The following SNAPC5 variants were observed in gnomAD, a reference collection of about 807,000 sequenced individuals.
SNAPC5 encodes the protein small nuclear RNA activating complex polypeptide 5, also known as snRNA-activating protein complex subunit 5.
Under a neutral mutation model 9.1 loss-of-function variants are expected in SNAPC5, and 12 were observed. The ratio of observed to expected loss-of-function variants is 1.32; its 90% CI spans 0.85 to 2.15. SNAPC5 has a LOEUF of 2.15. Among genes scored for constraint, SNAPC5 ranks in the 30% most tolerant of loss-of-function variants. The pLI is 0.00. For synonymous variants in SNAPC5, 52 were observed against 47.3 expected, an observed-to-expected ratio of 1.10 and a Z score of -0.41; for missense variants, 132 against 114.4, an observed-to-expected ratio of 1.15 and a Z score of -0.70.
intron 1 of SNAPC5, 127 bp from the exon 2 acceptor site, chr15:66,495,546 C>A: frequency 1.5e-6 from 1 of 646,020 alleles, no homozygotes; most frequent in South Asian, 1.8e-5. Context: ...CTGTGTTGCT[C>A]TAGAGGGAAA....
chr15:66,491,662 A>G (rs566998701), downstream of SNAPC5: 3 of 223,978 alleles, frequency 1.3e-5, no homozygotes, highest in Non-Finnish European at 2.7e-5. Context: ...AGGCAGAAAC[A>G]GGACACCGAG....
Position 66,493,485 on chromosome 15 carries a change from T to G in SNAPC5, c.*951A>C, listed in dbSNP as rs1228052036. 6.6e-6 allele frequency: 1 copy of G among 152,010 alleles called. No individual in the cohort carries two copies. The highest frequency in any genetic ancestry group is 2.4e-5 in the African/African-American group (1 of 41,366). 9.4% of individuals were successfully genotyped at this position (152,010 alleles called of 1,614,324 possible). ...GCCTGACCAACATGGAAAAATCCCA[T>G]CTTTACTAAAAATACAAAATTAGCC... On this transcript the variant is annotated 3_prime_UTR_variant, in exon 3 of 3. Coordinates refer to ENST00000316634, the MANE Select transcript of SNAPC5 (RefSeq NM_001329615.2).
chr15:66,490,797 T>C, downstream of SNAPC5: 2 of 685,292 alleles, frequency 2.9e-6, no homozygotes, highest in Non-Finnish European at 5.3e-6. Context: ...TTATTCTTAT[T>C]ACTATTATTG....
chr15:66,495,233 A>AG (rs772540538), intron 2 of SNAPC5, 97 bp downstream of exon 2: 2 of 826,782 alleles, frequency 2.4e-6, no homozygotes, highest in African/African-American at 3.3e-5. Context: ...CCTTTGGGCT[A>AG]GGTAATGTGA....
chr15:66,497,592 T>G (rs1197157530), intron 1 of SNAPC5, 50 bp downstream of exon 1: 1 of 1,537,564 alleles, frequency 6.5e-7, no homozygotes, highest in African/African-American at 1.4e-5. Flanking sequence ...TGGGGGGAAA[T>G]GGTCGCTCGG....
At chr15:66,489,810 GTTC>G (rs773224246), downstream of SNAPC5, 10 of 1,476,794 alleles carry the variant, frequency 6.8e-6, no homozygotes, top group South Asian at 2.3e-5. Context: ...TTATTCATTT[GTTC>G]TTCTCTGTCA....
chr15:66,491,640 G>A (rs1434408864), downstream of SNAPC5: 2 of 213,850 alleles, frequency 9.4e-6, no homozygotes, highest in South Asian at 7.6e-5. Flanking sequence ...TGAAGATGAG[G>A]AGGAGGCTGG....
rs531032132 is a variant in SNAPC5, at chr15:66,494,533, T to C, written c.200A>G (p.Asn67Ser). Reference protein sequence around the residue: ...QSHDMLVHVDNEASINQTTLE... With the variant: ...QSHDMLVHVDSEASINQTTLE... ...GGTTGTTTGGTTGATTGATGCTTCA[T>C]TGTCTACATGCACCAACATCTGTAT... The change falls in exon 3 of 3, where the codon AAT (asparagine) becomes AGT (serine). Residue 67 changes from asparagine (N) to serine (S), a missense_variant. Coordinates refer to ENST00000316634, the MANE Select transcript of SNAPC5 (RefSeq NM_001329615.2). 2 of 1,613,826 alleles carry C rather than the reference T, an allele frequency of 1.2e-6. No individual in the cohort carries two copies. The highest frequency in any genetic ancestry group is 2.2e-5 in the East Asian group (1 of 44,884).
intron 2 of SNAPC5, among the ~76,000 whole-genome samples, 186 bp from the exon 3 acceptor site, chr15:66,494,738 C>G (rs1401355175): frequency 6.6e-6 from 1 of 152,176 alleles, no homozygotes; most frequent in African/African-American, 2.4e-5. Context: ...CAGTAAATGC[C>G]CCAGATTCAG....
Position 66,497,701 on chromosome 15 carries a change from C to G in SNAPC5, c.31G>C (p.Glu11Gln), listed in dbSNP as rs1213938785. The part of the protein sequence containing the change: MLSRLQELRK[E>Q]EETLLRLKAA... Reference sequence around the variant, plus strand: ...TTCAACCGCAGCAGCGTCTCCTCCTCCTTGCGCAGTTCCTGAAGCCGGCTC... The same window carrying G: ...TTCAACCGCAGCAGCGTCTCCTCCTGCTTGCGCAGTTCCTGAAGCCGGCTC... The change falls in exon 1 of 3, where the codon GAG becomes CAG. Residue 11 changes from glutamate to glutamine, a missense_variant. Transcript: ENST00000316634. 5 of 1,613,734 alleles carry G rather than the reference C, an allele frequency of 3.1e-6. No individual in the cohort carries two copies. Among genetic ancestry groups the G allele is most frequent in the Non-Finnish European group, 4.2e-6 (5 of 1,179,990 alleles).
At chr15:66,495,082 C>T (rs779540262) in intron 2 of SNAPC5, 1 of 515,230 alleles carries the variant, frequency 1.9e-6, no homozygotes, top group Non-Finnish European at 3.5e-6. Context: ...AGTAACTAGA[C>T]AGAATGGATG....
downstream of SNAPC5, among the ~76,000 whole-genome samples, chr15:66,492,851 TG>T (rs1292155961): frequency 1.3e-5 from 2 of 152,206 alleles, no homozygotes. Flanking sequence ...CTAGAGCAGA[TG>T]TGAGTATCTT....
At chr15:66,490,345 C>A (rs1305330685), downstream of SNAPC5, 1 of 728,300 alleles carries the variant, frequency 1.4e-6, no homozygotes, top group East Asian at 2.6e-5. Flanking sequence ...GTCTTTGGGC[C>A]TGCAGCTGGC....
intron 2 of SNAPC5, chr15:66,495,042 A>G: frequency 2.3e-6 from 1 of 436,480 alleles, no homozygotes; most frequent in Non-Finnish European, 4.2e-6. Flanking sequence ...TCGTCCTACA[A>G]AAATCTCCAC....
rs1893364836 is a variant in SNAPC5, at chr15:66,494,547, C to T, written c.186G>A (p.Leu62=). Residue 62 remains leucine (L), a synonymous_variant, in exon 3 of 3, where the codon TTG becomes TTA. Coordinates refer to ENST00000316634, the MANE Select transcript of SNAPC5 (RefSeq NM_001329615.2). ...TTGATGCTTCATTGTCTACATGCAC[C>T]AACATCTGTATTGGCCAAGGGCATC... ...HTVPEQSHDM[L]VHVDNEASIN... is the part of the protein sequence containing the mutation. 6.2e-7 allele frequency: 1 copy of T among 1,611,814 alleles called. No individual in the cohort carries two copies. The highest frequency in any genetic ancestry group is 8.5e-7 in the Non-Finnish European group (1 of 1,178,038).
At chr15:66,497,598 C>A (rs370480580) in intron 1 of SNAPC5, 44 bp downstream of exon 1, 456 of 1,567,940 alleles carry the variant, frequency 2.9e-4, no homozygotes, top group Non-Finnish European at 3.6e-4. Context: ...GAAATGGTCG[C>A]TCGGGAGGAA....
At chr15:66,491,578 T>A (rs1893259840), downstream of SNAPC5, 2 of 182,052 alleles carry the variant, frequency 1.1e-5, no homozygotes, top group South Asian at 3.8e-4. Flanking sequence ...TCAGTTTCTT[T>A]AGTACACAAG....
At chr15:66,497,618 G>T (rs775594331) in intron 1 of SNAPC5, 24 bp downstream of exon 1, 17 of 1,606,328 alleles carry the variant, frequency 1.1e-5, no homozygotes, top group Non-Finnish European at 1.4e-5. Flanking sequence ...ATGGAGGAGG[G>T]GCAGGAGAGG....
Position 66,495,335 on chromosome 15 carries a change from G to T in SNAPC5, c.175C>A (p.His59Asn), listed in dbSNP as rs748758968. 3 of 1,562,830 alleles carry T rather than the reference G, an allele frequency of 1.9e-6. No individual in the cohort carries two copies. Among genetic ancestry groups the T allele is most frequent in the Non-Finnish European group, 2.6e-6 (3 of 1,133,062 alleles). Residue 59 changes from histidine to asparagine, a missense_variant, in exon 2 of 3, where the codon CAT becomes AAT. His to Asn is a moderately conservative substitution (Grantham distance 68). Transcript: ENST00000316634. ...LSSHTVPEQSHDMLVHVDNEA... is the reference protein window; with the variant it reads ...LSSHTVPEQSNDMLVHVDNEA... Reference sequence around the variant, plus strand: ...CTGCACTTGATTAAGCTTACATCATGTGACTGTTCAGGTACAGTGTGAGAA... The same window carrying T: ...CTGCACTTGATTAAGCTTACATCATTTGACTGTTCAGGTACAGTGTGAGAA...
Sources: allele counts gnomAD v4.1 joint callset (sites outside exome capture counted in the v4.1 genomes callset), GRCh38; gene constraint gnomAD v4.1.1; transcripts MANE v1.5; gene names NCBI Gene and HGNC (gene_info 2026-07-23, HGNC 2026-07-21).